The following EYA1 variants were observed in gnomAD, a reference collection of about 807,000 sequenced individuals.
EYA1 encodes protein phosphatase EYA1.
In EYA1, 16 loss-of-function variants were observed where a neutral mutation model predicts 82.0. That is an observed-to-expected ratio of 0.20 (90% CI 0.13 to 0.30). The LOEUF (loss-of-function observed/expected upper bound fraction) is 0.30. Ranked by LOEUF, EYA1 falls within the 10% of genes least tolerant of loss-of-function variation. EYA1 has a pLI of 1.00. For missense variants in EYA1, 633 were observed against 730.7 expected (o/e 0.87, Z 1.54); for synonymous variants, 261 against 264.4 (o/e 0.99, Z 0.12).
At chr8:71,501,031 T>C (rs865950517) in intron 2 of EYA1, among the ~76,000 whole-genome samples, 9 of 152,214 alleles carry the variant, frequency 5.9e-5, no homozygotes, top group Middle Eastern at 3.2e-3. Flanking sequence ...TGTCAAGCCA[T>C]AGAAGGTCAC....
intron 2 of EYA1, among the ~76,000 whole-genome samples, chr8:71,384,704 T>C (rs750098559): frequency 6.6e-6 from 1 of 152,226 alleles, no homozygotes; most frequent in Non-Finnish European, 1.5e-5. Context: ...TGAATCTTTT[T>C]CTACTAGTAT....
At chr8:71,381,058 C>T (rs1828674192) in intron 2 of EYA1, among the ~76,000 whole-genome samples, 1 of 152,210 alleles carries the variant, frequency 6.6e-6, no homozygotes, top group Non-Finnish European at 1.5e-5. Flanking sequence ...CACAAGACCC[C>T]ATTATCAAAG....
chr8:71,434,215 C>A (rs1292805323), intron 2 of EYA1, among the ~76,000 whole-genome samples: 2 of 152,138 alleles, frequency 1.3e-5, no homozygotes, highest in Admixed American at 1.3e-4. Flanking sequence ...ACTTTCTAGA[C>A]ATTATTGTAG....
intron 9 of EYA1, among the ~76,000 whole-genome samples, chr8:71,284,676 C>T (rs531589364): frequency 6.6e-6 from 1 of 152,316 alleles, no homozygotes; most frequent in Admixed American, 6.5e-5. Flanking sequence ...AAGTGATATT[C>T]CAGTTCAAAA....
intron 11 of EYA1, among the ~76,000 whole-genome samples, chr8:71,250,492 G>C (rs189492259): frequency 2.6e-5 from 4 of 152,258 alleles, no homozygotes; most frequent in African/African-American, 9.6e-5. Context: ...TCTTGTCTCG[G>C]CAGGCCAGGG....
intron 12 of EYA1, among the ~76,000 whole-genome samples, chr8:71,226,631 G>A (rs961789009): frequency 2.0e-5 from 3 of 148,160 alleles, no homozygotes; most frequent in African/African-American, 7.4e-5. Context: ...AAAGGTAATG[G>A]ATTAATCCAT....
chr8:71,359,751 G>A (rs769987802), intron 1 of EYA1, among the ~76,000 whole-genome samples: 1 of 151,816 alleles, frequency 6.6e-6, no homozygotes. Flanking sequence ...TTTTCAAACT[G>A]AAAAGAAATT....
intron 11 of EYA1, among the ~76,000 whole-genome samples, chr8:71,245,989 A>C (rs192702714): frequency 1.1e-3 from 173 of 152,300 alleles, no homozygotes; most frequent in African/African-American, 4.1e-3. Context: ...CTGGCACTGA[A>C]ATGAACTTGG....
intron 17 of EYA1, among the ~76,000 whole-genome samples, chr8:71,209,693 C>T (rs1264948159): frequency 1.3e-5 from 2 of 152,074 alleles, no homozygotes; most frequent in East Asian, 1.9e-4. Context: ...TGAAATATTC[C>T]AGAAGGGCTG....
chr8:71,498,943 C>G (rs889104803), intron 2 of EYA1, among the ~76,000 whole-genome samples: 3 of 152,168 alleles, frequency 2.0e-5, no homozygotes, highest in Non-Finnish European at 4.4e-5. Context: ...ATCCATTAAA[C>G]TCCCAAACAG....
At chr8:71,398,583 T>C (rs1358628636) in intron 2 of EYA1, among the ~76,000 whole-genome samples, 1 of 152,214 alleles carries the variant, frequency 6.6e-6, no homozygotes, top group Non-Finnish European at 1.5e-5. Context: ...TTTGCCTCAG[T>C]ATCACCAGTG....
Position 71,244,702 on chromosome 8 carries a change from G to A in EYA1, c.1051-10C>T, listed in dbSNP as rs1269910034. On this transcript the variant is annotated splice_polypyrimidine_tract_variant and intron_variant, in intron 11 of 17. Transcript: ENST00000340726. The stretch of plus-strand genomic sequence containing the variant: ...CTGAAGTGGGTGGATCCTAAAATAA[G>A]AATATGACAGGTGAAGAACATGTAT... The A allele has an allele frequency of 1.3e-6, 2 of 1,499,178 alleles. No individual in the cohort carries two copies. Among genetic ancestry groups the A allele is most frequent in the Non-Finnish European group, 9.3e-7 (1 of 1,076,146 alleles). 92.9% of individuals were successfully genotyped at this position (1,499,178 alleles called of 1,614,324 possible).
intron 2 of EYA1, among the ~76,000 whole-genome samples, chr8:71,460,524 C>T (rs60621040): frequency 3.9e-5 from 6 of 152,260 alleles, no homozygotes; most frequent in African/African-American, 1.4e-4. Flanking sequence ...GGAGGAGGCA[C>T]TTCAGACAGG....
intron 1 of EYA1, among the ~76,000 whole-genome samples, chr8:71,537,182 A>G (rs1394444862): frequency 6.6e-6 from 1 of 152,238 alleles, no homozygotes; most frequent in African/African-American, 2.4e-5. Flanking sequence ...TGGACAACAT[A>G]AAACATAAAT....
chr8:71,282,345 T>C lies in EYA1; in HGVS notation c.827-10448A>G, dbSNP rs10081429. 2.0e-5 allele frequency among the ~76,000 whole-genome samples: 3 copies of C among 152,170 alleles called. No homozygotes were observed. The East Asian group carries it at 5.8e-4, about 29-fold the overall frequency. On this transcript the variant is annotated intron_variant, in intron 9 of 17. Coordinates refer to ENST00000340726, the MANE Select transcript of EYA1 (RefSeq NM_000503.6). ...GCCCTCTTTCTCTACTGCCTTACAG[T>C]GTACAGCAAAAGTCACTGAAAGAAT...
At chr8:71,338,603 C>T (rs562456248) in intron 3 of EYA1, among the ~76,000 whole-genome samples, 3 of 152,154 alleles carry the variant, frequency 2.0e-5, no homozygotes, top group Non-Finnish European at 2.9e-5. Context: ...AGGTTCCAGT[C>T]GTACAGAAGA....
Position 71,244,743 on chromosome 8 carries a change from A to G in EYA1, c.1051-51T>C, listed in dbSNP as rs1240517239. 1.0e-5 allele frequency: 11 copies of G among 1,075,926 alleles called. No homozygotes were observed. The Admixed American group carries it at 1.4e-4, about 14-fold the overall frequency. 66.6% of individuals were successfully genotyped at this position (1,075,926 alleles called of 1,614,324 possible). The stretch of plus-strand genomic sequence containing the variant: ...GAACATGTATACTTCAGGTTACATG[A>G]AAGAGAGTGTCTCATTAAGAGGAAG... On this transcript the variant is annotated intron_variant, in intron 11 of 17. Transcript: ENST00000340726.
rs191464794 is a variant in EYA1 at position 71,317,123 on chromosome 8, C to T, written c.556+429G>A. 5.8e-4 allele frequency among the ~76,000 whole-genome samples: 88 copies of T among 152,266 alleles called. 1 individual carries two copies. In the East Asian group the frequency reaches 0.015, roughly 27 times the overall value. On this transcript the variant is annotated intron_variant, in intron 7 of 17. Coordinates refer to ENST00000340726, the MANE Select transcript of EYA1 (RefSeq NM_000503.6). ...ATTTCTACAGCTATGACTGTCACTC[C>T]CCAAGCTTCACTTCATAATGAAAAT...
chr8:71,281,768 T>C (rs1386531216), intron 9 of EYA1, among the ~76,000 whole-genome samples: 3 of 152,208 alleles, frequency 2.0e-5, no homozygotes, highest in Admixed American at 6.5e-5. Flanking sequence ...TAAAATTCTT[T>C]ATTTTTGAAC....
Sources: gnomAD v4.1 joint callset for allele counts (sites outside exome capture counted in the v4.1 genomes callset) on GRCh38, gnomAD v4.1.1 for gene constraint, MANE v1.5 for transcripts, NCBI Gene and HGNC (gene_info 2026-07-23, HGNC 2026-07-21) for gene names.